The following PDAP1 variants were observed in gnomAD, a reference collection of about 807,000 sequenced individuals.
The protein encoded by PDAP1 is 28 kDa heat- and acid-stable phosphoprotein.
A neutral mutation model predicts 28.0 loss-of-function variants in PDAP1; 13 were observed. The ratio of observed to expected loss-of-function variants is 0.46; its 90% CI spans 0.30 to 0.74. The LOEUF (loss-of-function observed/expected upper bound fraction) is 0.74, where lower values mean the gene tolerates loss of function less well. Among genes scored for constraint, PDAP1 ranks in the 30% least tolerant of loss-of-function variants. The pLI, the probability that PDAP1 is intolerant of heterozygous loss-of-function variation, is 0.07. For missense variants in PDAP1, 150 were observed against 230.0 expected, an observed-to-expected ratio of 0.65 and a Z score of 2.25; for synonymous variants, 77 against 85.1, an observed-to-expected ratio of 0.91 and a Z score of 0.52.
chr7:99,404,326 G>A (rs1022601890), intron 2 of PDAP1, among the ~76,000 whole-genome samples: 1 of 152,110 alleles, frequency 6.6e-6, no homozygotes, highest in Non-Finnish European at 1.5e-5. Flanking sequence ...ATTTCCTAAC[G>A]GTGGCCTGGA....
At chr7:99,405,877 G>C (rs115209674) in intron 1 of PDAP1, among the ~76,000 whole-genome samples, 2,743 of 152,250 alleles carry the variant, frequency 0.018, 80 homozygotes, top group African/African-American at 0.061. Flanking sequence ...TACCTTACAG[G>C]GTTGTCACAA....
At chr7:99,408,473 A>C in intron 1 of PDAP1, 63 bp downstream of exon 1, 2 of 1,328,048 alleles carry the variant, frequency 1.5e-6, no homozygotes, top group Non-Finnish European at 1.9e-6. Flanking sequence ...GGCTGAGGGG[A>C]CAGCGGAAGC....
At chr7:99,402,895 AAGAAAAG>A (rs1794902446) in intron 3 of PDAP1, among the ~76,000 whole-genome samples, 1 of 127,648 alleles carries the variant, frequency 7.8e-6, no homozygotes, top group African/African-American at 4.4e-5. Flanking sequence ...AAAAAAAAAA[AAGAAAAG>A]AAAAGAAAAG....
chr7:99,400,383 G>A lies in PDAP1; in HGVS notation c.255C>T (p.Asn85=), dbSNP rs969955776. The A allele has an allele frequency of 5.0e-6, 8 of 1,614,138 alleles. No individual in the cohort carries two copies. The highest frequency in any genetic ancestry group is 6.8e-6 in the Non-Finnish European group (8 of 1,179,968). ...TGGTTGTCTGTGCCACCCGGTTGGG[G>A]TTCTCGATGTCGATGAGCCCTTCAA... The part of the protein sequence containing the change: ...KGVEGLIDIE[N]PNRVAQTTKK... The change falls in exon 4 of 6, where the codon AAC becomes AAT. Residue 85 remains asparagine, a synonymous_variant. Coordinates refer to ENST00000350498, the MANE Select transcript of PDAP1 (RefSeq NM_014891.7).
chr7:99,394,994 C>T lies in PDAP1; in HGVS notation c.*1688G>A, dbSNP rs1414183150. 2.0e-5 allele frequency: 6 copies of T among 296,720 alleles called. No individual in the cohort carries two copies. Among genetic ancestry groups the T allele is most frequent in the Admixed American group, 1.7e-4 (3 of 17,230 alleles). 18.4% of individuals were successfully genotyped at this position (296,720 alleles called of 1,614,324 possible). A position where few individuals can be genotyped will look rare whatever the true frequency, so the allele number is the denominator to read the frequency against. ...GTAGATAGCTTATTTTTACTGCTTG[C>T]CAACAAAATTGATCCTGAAGCCCAA... On this transcript the variant is annotated 3_prime_UTR_variant, in exon 6 of 6. Transcript: ENST00000350498.
chr7:99,408,427 CA>C (rs1795029965), intron 1 of PDAP1, 108 bp downstream of exon 1: 7 of 1,023,252 alleles, frequency 6.8e-6, no homozygotes, highest in Non-Finnish European at 8.9e-6. Flanking sequence ...CCGGTGCGGA[CA>C]GCCTCCCTCT....
At chr7:99,407,870 A>C (rs774911440) in intron 1 of PDAP1, among the ~76,000 whole-genome samples, 3 of 152,244 alleles carry the variant, frequency 2.0e-5, no homozygotes, top group Non-Finnish European at 4.4e-5. Context: ...AGCCTTAAAA[A>C]TAAGAATAGT....
Position 99,396,273 on chromosome 7 carries a change from A to AG in PDAP1, c.*408_*409insC. ...CTCTCTGAATGAGCACCCAGGCAAC[A>AG]CAGTCCGGGGCTGTGTGTAGCAAAC... On this transcript the variant is annotated 3_prime_UTR_variant, in exon 6 of 6. Transcript: ENST00000350498. The AG allele has an allele frequency of 3.6e-6, 1 of 274,358 alleles. No individual in the cohort carries two copies. The highest frequency in any genetic ancestry group is 3.1e-5 in the South Asian group (1 of 31,920). 17.0% of individuals were successfully genotyped at this position (274,358 alleles called of 1,614,324 possible). A position where few individuals can be genotyped will look rare whatever the true frequency, so the allele number is the denominator to read the frequency against.
chr7:99,402,228 CAAAAAAAAAA>C (rs765074891), intron 3 of PDAP1, among the ~76,000 whole-genome samples: 1 of 47,154 alleles, frequency 2.1e-5, no homozygotes, highest in South Asian at 6.7e-4. Flanking sequence ...CTCCATCTCC[CAAAAAAAAAA>C]AAAAAAAAAA....
intron 1 of PDAP1, 109 bp downstream of exon 1, chr7:99,408,427 C>T (rs1450816792): frequency 1.5e-5 from 15 of 1,023,250 alleles, no homozygotes; most frequent in Admixed American, 4.3e-5. Flanking sequence ...CCGGTGCGGA[C>T]AGCCTCCCTC....
chr7:99,400,620 G>C (rs1335166738), intron 3 of PDAP1, among the ~76,000 whole-genome samples, 196 bp from the exon 4 acceptor site: 2 of 152,210 alleles, frequency 1.3e-5, no homozygotes, highest in Non-Finnish European at 2.9e-5. Flanking sequence ...AGAGCCCACA[G>C]AACGGCTGCT....
intron 1 of PDAP1, among the ~76,000 whole-genome samples, chr7:99,407,264 C>T (rs1470640475): frequency 6.6e-6 from 1 of 152,204 alleles, no homozygotes; most frequent in African/African-American, 2.4e-5. Context: ...GACCATTTAG[C>T]TATGAATTCA....
At chr7:99,406,231 G>A (rs1009554661) in intron 1 of PDAP1, among the ~76,000 whole-genome samples, 1 of 152,120 alleles carries the variant, frequency 6.6e-6, no homozygotes, top group Admixed American at 6.6e-5. Context: ...CTGGGCCACA[G>A]AGCGAGACTC....
intron 4 of PDAP1, 45 bp downstream of exon 4, chr7:99,400,258 C>T: frequency 6.2e-7 from 1 of 1,606,838 alleles, no homozygotes; most frequent in Non-Finnish European, 8.5e-7. Context: ...AGGCCAACTG[C>T]TGGCCTGTAT....
At chr7:99,401,979 A>G (rs961769159) in intron 3 of PDAP1, among the ~76,000 whole-genome samples, 5 of 151,992 alleles carry the variant, frequency 3.3e-5, no homozygotes, top group Admixed American at 6.6e-5. Flanking sequence ...TTTTAAAAGC[A>G]TATCTGGAGG....
chr7:99,407,282 G>C (rs1175179184), intron 1 of PDAP1, among the ~76,000 whole-genome samples: 3 of 152,130 alleles, frequency 2.0e-5, no homozygotes, highest in Non-Finnish European at 4.4e-5. Context: ...TCATATTTAA[G>C]GTTTTATCGT....
intron 3 of PDAP1, among the ~76,000 whole-genome samples, chr7:99,402,573 CAAAAAAAAAAAAA>C (rs58448407): frequency 1.8e-5 from 1 of 56,680 alleles, no homozygotes; most frequent in African/African-American, 6.0e-5. Context: ...GACCCTGTCT[CAAAAAAAAAAAAA>C]AAAAAAAAAA....
intron 4 of PDAP1, among the ~76,000 whole-genome samples, chr7:99,398,279 G>A (rs965434861): frequency 3.3e-5 from 5 of 152,234 alleles, no homozygotes; most frequent in African/African-American, 1.2e-4. Flanking sequence ...AGCAGGGAGG[G>A]GAAGATGCCT....
In PDAP1 at chr7:99,408,582, G is replaced by A. The variant is rs1362679047; in HGVS notation, c.-34C>T. 1.4e-5 allele frequency: 18 copies of A among 1,263,860 alleles called. No homozygotes were observed. Among genetic ancestry groups the A allele is most frequent in the South Asian group, 2.8e-5 (1 of 36,140 alleles). 78.3% of individuals were successfully genotyped at this position (1,263,860 alleles called of 1,614,324 possible). On this transcript the variant is annotated 5_prime_UTR_variant, in exon 1 of 6. Coordinates refer to ENST00000350498, the MANE Select transcript of PDAP1 (RefSeq NM_014891.7). ...CGGCGGCTGCGGCGGCGGCGGCGGC[G>A]CCTCGAACTGACACCGGAACCGGAA...
Sources: allele counts gnomAD v4.1 joint callset (sites outside exome capture counted in the v4.1 genomes callset), GRCh38; gene constraint gnomAD v4.1.1; transcripts MANE v1.5; gene names NCBI Gene and HGNC (gene_info 2026-07-23, HGNC 2026-07-21).